The following IGSF11 variants were observed in gnomAD, a reference collection of about 807,000 sequenced individuals.
The protein encoded by IGSF11 is CXADR like 1.
IGSF11 carries 22 observed loss-of-function variants against 41.0 expected under a neutral mutation model. The ratio of observed to expected loss-of-function variants is 0.54; its 90% CI spans 0.38 to 0.77. The LOEUF is 0.77. IGSF11 is among the 30% of genes least tolerant of loss of function. IGSF11 has a pLI of 0.00. For synonymous variants in IGSF11, 219 were observed against 201.3 expected (o/e 1.09, Z -0.74); for missense variants, 444 against 530.8 (o/e 0.84, Z 1.61).
chr3:119,079,355 C>T (rs527478007), intron 1 of IGSF11, among the ~76,000 whole-genome samples: 12 of 149,872 alleles, frequency 8.0e-5, no homozygotes, highest in South Asian at 4.2e-4. Context: ...AGTGAAACTC[C>T]GTCTCAAAAA....
intron 1 of IGSF11, among the ~76,000 whole-genome samples, chr3:119,112,192 C>G (rs78632018): frequency 1.3e-5 from 2 of 152,206 alleles, no homozygotes; most frequent in African/African-American, 2.4e-5. Context: ...GCCCTGCCCC[C>G]AGAGGTGGAG....
rs1435544734 is a variant in IGSF11, at chr3:119,087,381, CACACACACACACACACACACAT to C, written c.49+17741_49+17762del. Among the ~76,000 whole-genome samples, 4 of 147,894 alleles carry C rather than the reference CACACACACACACACACACACAT, an allele frequency of 2.7e-5. No individual in the cohort carries two copies. In the East Asian group the frequency reaches 6.1e-4, roughly 22 times the overall value. On this transcript the variant is annotated intron_variant, in intron 1 of 6. Coordinates refer to the IGSF11 transcript ENST00000354673. ...GAATAAAGAAAATGTTATACACACA[CACACACACACACACACACACAT>C]ACACACACACACACACACACCATAG...
intron 1 of IGSF11, among the ~76,000 whole-genome samples, chr3:119,118,406 G>T (rs1233068478): frequency 6.6e-6 from 1 of 152,208 alleles, no homozygotes; most frequent in African/African-American, 2.4e-5. Context: ...TGAAGCCACG[G>T]CCTGAGCTCA....
chr3:118,913,668 T>C (rs1482420041), intron 4 of IGSF11, among the ~76,000 whole-genome samples: 6 of 152,098 alleles, frequency 3.9e-5, no homozygotes, highest in African/African-American at 1.4e-4. Context: ...TGTACTTTAC[T>C]ATAAGAAAAT....
At chr3:118,904,587 C>A (rs1576315519) in intron 6 of IGSF11, 61 bp downstream of exon 6, 1 of 1,217,780 alleles carries the variant, frequency 8.2e-7, no homozygotes, top group East Asian at 2.3e-5. Context: ...TTAACTGACA[C>A]AAATGAATAG....
intron 1 of IGSF11, among the ~76,000 whole-genome samples, chr3:119,073,547 T>C (rs1451010575): frequency 6.6e-6 from 1 of 152,180 alleles, no homozygotes; most frequent in Non-Finnish European, 1.5e-5. Context: ...ATCCCTGCCC[T>C]GCGGGAAGGC....
intron 1 of IGSF11, among the ~76,000 whole-genome samples, chr3:119,004,418 T>TG (rs1937261110): frequency 6.6e-6 from 1 of 151,850 alleles, no homozygotes; most frequent in Admixed American, 6.6e-5. Flanking sequence ...AACCAGCTCC[T>TG]GGATTCATTG....
chr3:119,053,364 A>G (rs1262589388), intron 1 of IGSF11, among the ~76,000 whole-genome samples: 1 of 152,172 alleles, frequency 6.6e-6, no homozygotes, highest in African/African-American at 2.4e-5. Context: ...GCTACACACC[A>G]ACAGCGACCA....
chr3:119,069,671 T>G (rs1249008707), intron 1 of IGSF11, among the ~76,000 whole-genome samples: 1 of 152,090 alleles, frequency 6.6e-6, no homozygotes, highest in Non-Finnish European at 1.5e-5. Flanking sequence ...TTTTTGGACC[T>G]TTCAGAATAA....
At chr3:118,977,118 AAATGGCAGCAAGAAAACACATATTCCC>A (rs528430133) in intron 1 of IGSF11, among the ~76,000 whole-genome samples, 1 of 152,336 alleles carries the variant, frequency 6.6e-6, no homozygotes, top group African/African-American at 2.4e-5. Flanking sequence ...TGCTTTGAGA[AAATGGCAGCAAGAAAACACATATTCCC>A]CAGATTTTCT....
chr3:118,908,995 TGAGG>T (rs1248159006), intron 4 of IGSF11, among the ~76,000 whole-genome samples: 1 of 152,220 alleles, frequency 6.6e-6, no homozygotes, highest in Non-Finnish European at 1.5e-5. Flanking sequence ...TAGATTACTG[TGAGG>T]ACTAAATGAA....
At chr3:119,109,547 G>C (rs1032255111), upstream of IGSF11, among the ~76,000 whole-genome samples, 2 of 151,910 alleles carry the variant, frequency 1.3e-5, no homozygotes, top group Non-Finnish European at 2.9e-5. Flanking sequence ...CCAGCTCCTG[G>C]ATTCATTAAT....
At chr3:118,935,313 TATATATGTATATACACCCTGAG>T (rs1559923488) in intron 1 of IGSF11, among the ~76,000 whole-genome samples, 1 of 142,172 alleles carries the variant, frequency 7.0e-6, no homozygotes, top group Admixed American at 7.1e-5. Flanking sequence ...TATATATATA[TATATATGTATATACACCCTGAG>T]ATATATATAT....
intron 1 of IGSF11, 117 bp from the exon 2 acceptor site, chr3:118,930,392 G>A (rs1942752976): frequency 1.4e-5 from 13 of 960,882 alleles, no homozygotes; most frequent in Non-Finnish European, 1.6e-5. Context: ...TGAACAGACT[G>A]ACATGATAGT....
chr3:119,030,564 C>T (rs982041376), intron 1 of IGSF11, among the ~76,000 whole-genome samples: 4 of 152,108 alleles, frequency 2.6e-5, no homozygotes, highest in African/African-American at 9.7e-5. Flanking sequence ...AAAAAAAATC[C>T]TTCCATGGTT....
chr3:119,111,493 T>G (rs1400282961), intron 1 of IGSF11, among the ~76,000 whole-genome samples: 2 of 152,214 alleles, frequency 1.3e-5, no homozygotes, highest in Admixed American at 6.5e-5. Context: ...TATATTCATC[T>G]AAATTTTTTT....
intron 1 of IGSF11, among the ~76,000 whole-genome samples, chr3:119,057,123 G>T (rs1253447399): frequency 6.6e-6 from 1 of 152,108 alleles, no homozygotes. Context: ...TTCTGGCCAG[G>T]GCAATTAGGC....
chr3:119,029,237 TACACACACACACACACACAC>T (rs10662902), intron 1 of IGSF11, among the ~76,000 whole-genome samples: 14 of 123,198 alleles, frequency 1.1e-4, no homozygotes, highest in Admixed American at 9.6e-4. Context: ...CTTTTGGGAA[TACACACACACACACACACAC>T]ACACACACAC....
At chr3:118,932,986 A>G (rs1942976614) in intron 1 of IGSF11, among the ~76,000 whole-genome samples, 1 of 152,260 alleles carries the variant, frequency 6.6e-6, no homozygotes, top group East Asian at 1.9e-4. Context: ...CAACAGGGTG[A>G]GCAGAGGACA....
Sources: allele counts gnomAD v4.1 joint callset (sites outside exome capture counted in the v4.1 genomes callset), GRCh38; gene constraint gnomAD v4.1.1; transcripts MANE v1.5; gene names NCBI Gene and HGNC (gene_info 2026-07-23, HGNC 2026-07-21).